Variants in NUDCD1 observed in about 807,000 individuals in gnomAD.
NUDCD1 encodes nudC domain-containing protein 1.
In NUDCD1, 60 loss-of-function variants were observed where a neutral mutation model predicts 67.8. That is an observed-to-expected ratio of 0.88 (90% CI 0.72 to 1.10). The LOEUF (loss-of-function observed/expected upper bound fraction) is 1.10, where lower values mean the gene tolerates loss of function less well. Ranked by LOEUF, NUDCD1 falls within the 50% of genes least tolerant of loss-of-function variation. The probability of loss-of-function intolerance (pLI) is 0.00; values close to 1 mark genes in which losing one functional copy is unlikely to be tolerated. For synonymous variants in NUDCD1, 244 were observed against 230.8 expected (o/e 1.06, Z -0.52); for missense variants, 643 against 695.0 (o/e 0.93, Z 0.84).
intron 2 of NUDCD1, among the ~76,000 whole-genome samples, chr8:109,301,489 C>T (rs189449606): frequency 5.3e-5 from 8 of 152,308 alleles, no homozygotes; most frequent in African/African-American, 9.6e-5. Context: ...TACACAGATG[C>T]GCCAGACATT....
intron 6 of NUDCD1, among the ~76,000 whole-genome samples, chr8:109,280,315 CT>C (rs1185416558): frequency 6.6e-6 from 1 of 151,988 alleles, no homozygotes; most frequent in Non-Finnish European, 1.5e-5. Flanking sequence ...TGTCAAAAAA[CT>C]TTTTTATTGT....
chr8:109,327,517 T>C (rs953497634), intron 1 of NUDCD1, among the ~76,000 whole-genome samples: 5 of 152,238 alleles, frequency 3.3e-5, no homozygotes, highest in African/African-American at 1.2e-4. Context: ...TTGCCACTGA[T>C]GAATAACTTG....
At chr8:109,247,142 C>G (rs568476409) in intron 8 of NUDCD1, among the ~76,000 whole-genome samples, 3 of 152,262 alleles carry the variant, frequency 2.0e-5, no homozygotes, top group Admixed American at 2.0e-4. Flanking sequence ...TCACCACTAC[C>G]TAACTGGCCT....
intron 6 of NUDCD1, among the ~76,000 whole-genome samples, chr8:109,276,403 G>A (rs1015593655): frequency 4.6e-5 from 7 of 152,130 alleles, no homozygotes; most frequent in East Asian, 1.9e-4. Flanking sequence ...GCCATCTTTC[G>A]TACACATGTA....
chr8:109,286,853 T>A (rs780107195), intron 5 of NUDCD1, among the ~76,000 whole-genome samples: 1 of 151,936 alleles, frequency 6.6e-6, no homozygotes, highest in Non-Finnish European at 1.5e-5. Flanking sequence ...TCAGAGAAAA[T>A]ATTTGCAACT....
In NUDCD1 at chr8:109,322,366, T is replaced by C; in HGVS notation, c.216A>G (p.Gln72=). The change falls in exon 2 of 10, where the codon CAA becomes CAG. Residue 72 remains glutamine (Q), a synonymous_variant. Transcript: ENST00000239690. The part of the protein sequence containing the change: ...YNYLHCDSWY[Q]DSVYYIDTLG... ...GGGTATCAATATAGTAGACACTGTC[T>C]TGATACCATGAATCACAGTGCAGGT... 1 of 1,591,226 alleles carries C rather than the reference T, an allele frequency of 6.3e-7. No homozygotes were observed. Among genetic ancestry groups the C allele is most frequent in the East Asian group, 2.2e-5 (1 of 44,702 alleles).
intron 8 of NUDCD1, among the ~76,000 whole-genome samples, chr8:109,254,290 T>C (rs1157247945): frequency 2.0e-5 from 3 of 152,234 alleles, no homozygotes; most frequent in Non-Finnish European, 4.4e-5. Context: ...ATGTTCATTC[T>C]GATGATATGT....
chr8:109,292,842 G>C (rs1274315924), intron 4 of NUDCD1, among the ~76,000 whole-genome samples: 1 of 151,996 alleles, frequency 6.6e-6, no homozygotes, highest in Non-Finnish European at 1.5e-5. Context: ...AGCACATCAG[G>C]TAAGAAAAAG....
chr8:109,305,811 C>G (rs1815089202), intron 2 of NUDCD1, among the ~76,000 whole-genome samples: 1 of 152,108 alleles, frequency 6.6e-6, no homozygotes, highest in Admixed American at 6.6e-5. Flanking sequence ...TGCAGGACCC[C>G]CGCATTAGGT....
chr8:109,314,434 G>T (rs1815338585), intron 2 of NUDCD1, among the ~76,000 whole-genome samples: 1 of 152,082 alleles, frequency 6.6e-6, no homozygotes, highest in East Asian at 1.9e-4. Context: ...TAGAAGAGAG[G>T]TTCAAAAAGA....
intron 2 of NUDCD1, chr8:109,316,164 A>T (rs1028938907): frequency 6.6e-6 from 1 of 152,232 alleles, no homozygotes; most frequent in Non-Finnish European, 1.5e-5. Context: ...ATATAAAATA[A>T]GGATGTATTA....
At chr8:109,312,916 A>G (rs1036560891) in intron 2 of NUDCD1, among the ~76,000 whole-genome samples, 1 of 152,244 alleles carries the variant, frequency 6.6e-6, no homozygotes, top group African/African-American at 2.4e-5. Flanking sequence ...AAGGCTACAA[A>G]TATGACCAGG....
intron 2 of NUDCD1, chr8:109,298,965 C>A (rs1056405620): frequency 6.6e-6 from 1 of 152,400 alleles, no homozygotes; most frequent in Non-Finnish European, 1.5e-5. Context: ...GAAAGAGAGA[C>A]CCCTCAAACA....
intron 6 of NUDCD1, among the ~76,000 whole-genome samples, chr8:109,279,037 A>C (rs1814366802): frequency 6.6e-6 from 1 of 152,060 alleles, no homozygotes; most frequent in South Asian, 2.1e-4. Flanking sequence ...AAATTAGCTG[A>C]GTGACTGTGC....
chr8:109,262,332 T>A (rs183991120), intron 8 of NUDCD1, among the ~76,000 whole-genome samples: 171 of 152,274 alleles, frequency 1.1e-3, no homozygotes, highest in Admixed American at 2.0e-3. Flanking sequence ...CAAGGCTGGG[T>A]GAGGAAGTGG....
At chr8:109,280,503 T>G (rs1382679163) in intron 6 of NUDCD1, among the ~76,000 whole-genome samples, 1 of 152,206 alleles carries the variant, frequency 6.6e-6, no homozygotes, top group Non-Finnish European at 1.5e-5. Flanking sequence ...CTTGAATGTA[T>G]GTAAAATGTA....
chr8:109,244,913 T>C (rs1813458561), intron 9 of NUDCD1, among the ~76,000 whole-genome samples: 1 of 152,222 alleles, frequency 6.6e-6, no homozygotes, highest in East Asian at 1.9e-4. Context: ...TGTCTCCTAA[T>C]GTGCATTACA....
At chr8:109,296,343 A>G (rs1452353087) in intron 3 of NUDCD1, 41 bp downstream of exon 3, 1 of 1,508,232 alleles carries the variant, frequency 6.6e-7, no homozygotes, top group Admixed American at 1.7e-5. Flanking sequence ...TAATTTACAT[A>G]TACTTTCTGG....
intron 2 of NUDCD1, among the ~76,000 whole-genome samples, chr8:109,309,765 A>G (rs1370553568): frequency 6.6e-6 from 1 of 152,198 alleles, no homozygotes; most frequent in African/African-American, 2.4e-5. Context: ...AGAAGTTTCC[A>G]GATACAAACT....
Sources: allele counts gnomAD v4.1 joint callset (sites outside exome capture counted in the v4.1 genomes callset), GRCh38; gene constraint gnomAD v4.1.1; transcripts MANE v1.5; gene names NCBI Gene and HGNC (gene_info 2026-07-23, HGNC 2026-07-21).